Variants in CD226 observed in about 807,000 individuals in gnomAD.
The protein encoded by CD226 is CD226 antigen.
In CD226, 24 loss-of-function variants were observed where a neutral mutation model predicts 34.9. The observed-to-expected ratio is 0.69, with a 90% CI of 0.50 to 0.97. The LOEUF (loss-of-function observed/expected upper bound fraction) is 0.97. Ranked by LOEUF, CD226 falls within the 50% of genes least tolerant of loss-of-function variation. The probability of loss-of-function intolerance (pLI) is 0.00; values close to 1 mark genes in which losing one functional copy is unlikely to be tolerated. For synonymous variants in CD226, 148 were observed against 147.4 expected, an observed-to-expected ratio of 1.00 and a Z score of -0.03; for missense variants, 397 against 412.7, an observed-to-expected ratio of 0.96 and a Z score of 0.33.
chr18:69,902,478 G>A (rs557842601), intron 2 of CD226, among the ~76,000 whole-genome samples: 14 of 151,714 alleles, frequency 9.2e-5, no homozygotes, highest in South Asian at 6.2e-4. Context: ...CTTGGCTTCC[G>A]TGACATTGCA....
chr18:69,943,799 A>C (rs998199465), intron 2 of CD226, among the ~76,000 whole-genome samples: 15 of 152,214 alleles, frequency 9.9e-5, no homozygotes, highest in African/African-American at 3.6e-4. Flanking sequence ...AAGTGCACAC[A>C]GGAGATTCAA....
At chr18:69,925,940 C>T (rs1357035571) in intron 2 of CD226, among the ~76,000 whole-genome samples, 3 of 152,086 alleles carry the variant, frequency 2.0e-5, no homozygotes, top group African/African-American at 2.4e-5. Context: ...GCCAGGAGTT[C>T]GAGACCAGCC....
chr18:69,959,321 C>T (rs1199373745), upstream of CD226, among the ~76,000 whole-genome samples: 1 of 152,154 alleles, frequency 6.6e-6, no homozygotes, highest in African/African-American at 2.4e-5. Flanking sequence ...CAGAGATCAA[C>T]AAGAGCCCTC....
intron 3 of CD226, among the ~76,000 whole-genome samples, chr18:69,895,367 T>A (rs543019676): frequency 1.4e-4 from 22 of 152,300 alleles, no homozygotes; most frequent in Non-Finnish European, 3.1e-4. Context: ...AAAATATTCA[T>A]GTAATTGGGA....
At chr18:69,872,994 C>A in intron 4 of CD226, 150 bp downstream of exon 4, 1 of 579,640 alleles carries the variant, frequency 1.7e-6, no homozygotes, top group Non-Finnish European at 3.1e-6. Context: ...CTCCCTGTAA[C>A]ATTACCACAG....
At chr18:69,922,723 T>C (rs1259407425) in intron 2 of CD226, among the ~76,000 whole-genome samples, 1 of 152,226 alleles carries the variant, frequency 6.6e-6, no homozygotes, top group Admixed American at 6.5e-5. Flanking sequence ...TGCACAGTGC[T>C]GAAAACGAAC....
rs950211899 is a variant in CD226 at position 69,854,487 on chromosome 18, T to C, written c.*9827A>G. 6.6e-6 allele frequency: 1 copy of C among 152,266 alleles called. No homozygotes were observed. The highest frequency in any genetic ancestry group is 2.4e-5 in the African/African-American group (1 of 41,444). 9.4% of individuals were successfully genotyped at this position (152,266 alleles called of 1,614,324 possible). On this transcript the variant is annotated 3_prime_UTR_variant, in exon 6 of 6. Transcript: ENST00000582621. ...TTATGAGGATCCAAGAAAAATTTCC[T>C]CGTGGCTCTGGCAACAGATAGAGAG...
chr18:69,886,456 G>A (rs1291836216), intron 3 of CD226, among the ~76,000 whole-genome samples: 4 of 152,062 alleles, frequency 2.6e-5, no homozygotes, highest in African/African-American at 7.2e-5. Flanking sequence ...CTGCAATCCC[G>A]GCACTTTGGA....
intron 2 of CD226, among the ~76,000 whole-genome samples, chr18:69,937,015 CG>C (rs1281900942): frequency 6.6e-6 from 1 of 152,146 alleles, no homozygotes; most frequent in Non-Finnish European, 1.5e-5. Flanking sequence ...GTGTCATTTT[CG>C]TATGTTTTCT....
intron 3 of CD226, among the ~76,000 whole-genome samples, chr18:69,888,393 C>A (rs1362815387): frequency 6.6e-6 from 1 of 150,660 alleles, no homozygotes; most frequent in Non-Finnish European, 1.5e-5. Flanking sequence ...TGTAGCCATG[C>A]ACTGACTATT....
At chr18:69,891,037 A>G (rs1459258325) in intron 3 of CD226, among the ~76,000 whole-genome samples, 1 of 138,640 alleles carries the variant, frequency 7.2e-6, no homozygotes, top group Non-Finnish European at 1.6e-5. Context: ...AAAAAAACCT[A>G]CAGGCTGACA....
At chr18:69,878,888 C>T (rs1568163781) in intron 3 of CD226, among the ~76,000 whole-genome samples, 1 of 152,098 alleles carries the variant, frequency 6.6e-6, no homozygotes, top group Non-Finnish European at 1.5e-5. Flanking sequence ...AATGTAGGTT[C>T]TTTTCTATTT....
At chr18:69,910,333 C>G (rs947518894) in intron 2 of CD226, among the ~76,000 whole-genome samples, 2 of 152,154 alleles carry the variant, frequency 1.3e-5, no homozygotes, top group Non-Finnish European at 2.9e-5. Flanking sequence ...CTCAGTGACG[C>G]TGCGTGGATA....
chr18:69,944,725 C>T (rs532191789), intron 2 of CD226, among the ~76,000 whole-genome samples: 29 of 152,338 alleles, frequency 1.9e-4, no homozygotes, highest in Admixed American at 8.5e-4. Context: ...TCTTCTACTT[C>T]GCCTGCCTGA....
chr18:69,926,458 T>C (rs1343112948), intron 2 of CD226, among the ~76,000 whole-genome samples: 6 of 152,092 alleles, frequency 3.9e-5, no homozygotes, highest in Non-Finnish European at 8.8e-5. Context: ...ATTATCCCCA[T>C]GAGAGCGTTA....
rs1372907566 is a variant in CD226, at chr18:69,857,545, T to C, written c.*6769A>G. The C allele has an allele frequency of 6.6e-6, 1 of 152,342 alleles. No homozygotes were observed. Among genetic ancestry groups the C allele is most frequent in the East Asian group, 1.9e-4 (1 of 5,192 alleles). 9.4% of individuals were successfully genotyped at this position (152,342 alleles called of 1,614,324 possible). ...ATGAATACATGATTGAATAAGGATA[T>C]ATCTTAAGAATGCATTTTCATAAAA... On this transcript the variant is annotated 3_prime_UTR_variant, in exon 6 of 6. Coordinates refer to ENST00000582621, the MANE Select transcript of CD226 (RefSeq NM_001303618.2).
intron 2 of CD226, among the ~76,000 whole-genome samples, chr18:69,927,258 G>T (rs1198432321): frequency 6.6e-6 from 1 of 151,928 alleles, no homozygotes; most frequent in African/African-American, 2.4e-5. Context: ...TCGTGCTTTG[G>T]TCTTGGACTT....
upstream of CD226, among the ~76,000 whole-genome samples, chr18:69,961,117 T>C (rs2055927474): frequency 1.3e-5 from 2 of 152,232 alleles, no homozygotes; most frequent in Non-Finnish European, 2.9e-5. Context: ...AGCTTTATTG[T>C]ATATCCTATC....
intron 2 of CD226, among the ~76,000 whole-genome samples, chr18:69,902,756 G>A (rs894878343): frequency 5.3e-5 from 8 of 151,776 alleles, no homozygotes; most frequent in Non-Finnish European, 8.8e-5. Flanking sequence ...TTGTTCTTAC[G>A]ATGCTTCAAA....
Sources: gnomAD v4.1 joint callset for allele counts (sites outside exome capture counted in the v4.1 genomes callset) on GRCh38, gnomAD v4.1.1 for gene constraint, MANE v1.5 for transcripts, NCBI Gene and HGNC (gene_info 2026-07-23, HGNC 2026-07-21) for gene names.